PCDH18: variants seen among roughly 807,000 people sequenced by gnomAD.
The protein encoded by PCDH18 is protocadherin 18, also known as protocadherin-18.
PCDH18 carries 38 observed loss-of-function variants against 71.5 expected under a neutral mutation model. That is an observed-to-expected ratio of 0.53 (90% confidence interval 0.41 to 0.70). The LOEUF is 0.70. PCDH18 is among the 30% of genes least tolerant of loss of function. PCDH18 has a pLI of 0.00. For missense variants in PCDH18, 1,334 were observed against 1,384.6 expected (o/e 0.96, Z 0.58); for synonymous variants, 565 against 505.4 (o/e 1.12, Z -1.58).
chr4:137,525,204 T>C (rs1030861371), intron 3 of PCDH18, among the ~76,000 whole-genome samples: 1 of 152,092 alleles, frequency 6.6e-6, no homozygotes, highest in African/African-American at 2.4e-5. Flanking sequence ...TTGGCAAACA[T>C]GAGCCAACAG....
In PCDH18 at chr4:137,531,077, A is replaced by T; in HGVS notation, c.1012T>A (p.Cys338Ser). Residue 338 changes from cysteine (C) to serine (S), a missense_variant, in exon 1 of 4, where the codon TGC becomes AGC. Cys to Ser is a moderately radical substitution (Grantham distance 112). Coordinates refer to ENST00000344876, the MANE Select transcript of PCDH18 (RefSeq NM_019035.5). ...DLGPNSIPAH[C>S]KIIIKVVDVN... The stretch of plus-strand genomic sequence containing the variant: ...TCCACAACCTTAATTATAATTTTGC[A>T]ATGGGCTGGGATTGAATTTGGACCC... 1 of 1,612,472 alleles carries T rather than the reference A, an allele frequency of 6.2e-7. No homozygotes were observed. Among genetic ancestry groups the T allele is most frequent in the Non-Finnish European group, 8.5e-7 (1 of 1,179,134 alleles).
Position 137,529,892 on chromosome 4 carries a change from A to T in PCDH18, c.2197T>A (p.Ser733Thr), listed in dbSNP as rs1210980252. 1.2e-6 allele frequency: 2 copies of T among 1,613,948 alleles called. No homozygotes were observed. The highest frequency in any genetic ancestry group is 2.2e-5 in the East Asian group (1 of 44,868). The change falls in exon 1 of 4, where the codon TCC becomes ACC. Residue 733 changes from serine to threonine, a missense_variant. Physicochemically the swap from Ser to Thr is moderately conservative, Grantham distance 58. Around this residue, in one of 3 missense-constraint regions of PCDH18, gnomAD observed 1,011 missense variants for 1,048.0 expected, o/e 0.96. Transcript: ENST00000344876. ...RCNREKKDTR[S>T]YNCRVAESTY... ...GATTCGGCCACCCTGCAGTTATAGG[A>T]TCTAGTGTCTTTCTTCTCGCGGTTA...
In PCDH18 at chr4:137,520,889, G is replaced by A. The variant is rs1731268261; in HGVS notation, c.*140C>T. On this transcript the variant is annotated 3_prime_UTR_variant, in exon 4 of 4. Transcript: ENST00000344876. ...TGCATTGTGTACATACGAAAATACA[G>A]TATTTAATATTCAATATACACAGAC... The A allele has an allele frequency of 1.7e-6, 1 of 591,976 alleles. No individual in the cohort carries two copies. The highest frequency in any genetic ancestry group is 1.9e-5 in the African/African-American group (1 of 53,970). The allele number at this position is 591,976 out of a possible 1,614,324, so 36.7% of individuals were successfully genotyped here.
At chr4:137,526,761 A>C (rs889305574) in intron 3 of PCDH18, among the ~76,000 whole-genome samples, 4 of 151,988 alleles carry the variant, frequency 2.6e-5, no homozygotes, top group African/African-American at 9.7e-5. Context: ...GGTATGTCAT[A>C]AGTCTTTAGA....
At position 137,530,138 on chromosome 4, in the gene PCDH18, C is replaced by T. The variant is rs141226164; in HGVS notation, c.1951G>A (p.Glu651Lys). 286 of 1,612,688 alleles carry T rather than the reference C, an allele frequency of 1.8e-4. No homozygotes were observed. Among genetic ancestry groups the T allele is most frequent in the Admixed American group, 2.8e-4 (17 of 59,964 alleles). The change falls in exon 1 of 4, where the codon GAA becomes AAA. Residue 651 changes from glutamate to lysine, a missense_variant. By Grantham distance (56) the Glu-to-Lys change is moderately conservative. Around this residue, in one of 3 missense-constraint regions of PCDH18, gnomAD observed 1,011 missense variants for 1,048.0 expected, o/e 0.96. Coordinates refer to ENST00000344876, the MANE Select transcript of PCDH18 (RefSeq NM_019035.5). ...NVSMDSVPYTEWELSVIIQDK... is the reference protein window; with the variant it reads ...NVSMDSVPYTKWELSVIIQDK... ...TGAATGATAACTGACAGCTCCCATT[C>T]TGTGTAGGGAACAGAATCCATGCTA...
At position 137,521,631 on chromosome 4, in the gene PCDH18, G is replaced by T; in HGVS notation, c.2806C>A (p.Leu936Met). 1 of 1,613,076 alleles carries T rather than the reference G, an allele frequency of 6.2e-7. No homozygotes were observed. The change falls in exon 4 of 4, where the codon CTG becomes ATG. Residue 936 changes from leucine to methionine, a missense_variant. By Grantham distance (15) the Leu-to-Met change is conservative (BLOSUM62 2). Transcript: ENST00000344876. ...CTATAATCAGAAGACGGTGAGGGCAGTGGTGGCATCCAGCACTGGTCAGAG... is the reference window on the plus strand; with the variant it reads ...CTATAATCAGAAGACGGTGAGGGCATTGGTGGCATCCAGCACTGGTCAGAG... Reference protein sequence around the residue: ...GHSDQCWMPPLPSPSSDYRSN... With the variant: ...GHSDQCWMPPMPSPSSDYRSN...
chr4:137,528,998 C>T (rs1026872488), intron 1 of PCDH18, 178 bp from the exon 2 acceptor site: 4 of 596,578 alleles, frequency 6.7e-6, no homozygotes, highest in African/African-American at 3.7e-5. Context: ...CCAACTATAA[C>T]TAAAATATAT....
rs1731555391 is a variant in PCDH18, at chr4:137,528,792, T to C, written c.2516A>G (p.His839Arg). 1 of 1,613,422 alleles carries C rather than the reference T, an allele frequency of 6.2e-7. No individual in the cohort carries two copies. Among genetic ancestry groups the C allele is most frequent in the Non-Finnish European group, 8.5e-7 (1 of 1,179,660 alleles). Residue 839 changes from histidine (H) to arginine (R), a missense_variant, in exon 2 of 4, where the codon CAC (histidine) becomes CGC (arginine). Physicochemically the swap from His to Arg is conservative, Grantham distance 29. This residue lies in a region of PCDH18 where 1,011 missense variants were observed against 1,048.0 expected (regional missense o/e 0.96). Transcript: ENST00000344876. ...EQVSQLLSML[H>R]QGQYQPRPSF... ...TGGTCTTGGCTGATATTGCCCCTGG[T>C]GAAGCATTGAAAGAAGCTGAGAGAC...
Position 137,531,349 on chromosome 4 carries a change from T to A in PCDH18, c.740A>T (p.Glu247Val), listed in dbSNP as rs1731685531. Residue 247 changes from glutamate to valine, a missense_variant, in exon 1 of 4, where the codon GAG (glutamate) becomes GTG (valine). Glu to Val is a moderately radical substitution (Grantham distance 121, BLOSUM62 -2). This residue lies in a region of PCDH18 where 1,011 missense variants were observed against 1,048.0 expected (regional missense o/e 0.96). Transcript: ENST00000344876. The part of the protein sequence containing the change: ...SDSNDNSPAF[E>V]QQSYIIQLLE... ...GAGTTGTATTATATAAGATTGCTGC[T>A]CAAAAGCAGGGCTGTTGTCATTGGA... 3 of 1,613,952 alleles carry A rather than the reference T, an allele frequency of 1.9e-6. No homozygotes were observed. The highest frequency in any genetic ancestry group is 2.5e-6 in the Non-Finnish European group (3 of 1,180,002).
chr4:137,528,977 G>T, intron 1 of PCDH18, 157 bp from the exon 2 acceptor site: 1 of 617,710 alleles, frequency 1.6e-6, no homozygotes, highest in Non-Finnish European at 2.9e-6. Flanking sequence ...GGCGGACCAC[G>T]CAGCCAGCTA....
intron 1 of PCDH18, 71 bp downstream of exon 1, chr4:137,529,531 G>C (rs1176149340): frequency 4.8e-6 from 5 of 1,041,142 alleles, no homozygotes; most frequent in Non-Finnish European, 7.1e-6. Context: ...AAACATTTAA[G>C]AACTAGTAAA....
chr4:137,521,394 G>A lies in PCDH18; in HGVS notation c.3043C>T (p.Leu1015Phe), dbSNP rs1388106859. 1.2e-6 allele frequency: 2 copies of A among 1,614,090 alleles called. No homozygotes were observed. Among genetic ancestry groups the A allele is most frequent in the South Asian group, 1.1e-5 (1 of 91,088 alleles). The change falls in exon 4 of 4, where the codon CTC becomes TTC. Residue 1015 changes from leucine to phenylalanine, a missense_variant. This residue lies in a region of PCDH18 where 319 missense variants were observed against 316.3 expected (regional missense o/e 1.01). Transcript: ENST00000344876. ...LSEMSSVFQRLLPPSLDTYSE... is the reference protein window; with the variant it reads ...LSEMSSVFQRFLPPSLDTYSE... ...TAGGTGTCCAGGGAAGGCGGTAAGAGACGCTGGAACACACTGCTCATTTCC... is the reference window on the plus strand; with the variant it reads ...TAGGTGTCCAGGGAAGGCGGTAAGAAACGCTGGAACACACTGCTCATTTCC...
At chr4:137,528,368 T>G (rs1578745704) in intron 3 of PCDH18, 110 bp downstream of exon 3, 10 of 810,408 alleles carry the variant, frequency 1.2e-5, no homozygotes, top group Admixed American at 2.3e-5. Context: ...TTATAAATAC[T>G]TTAGTGCAAG....
Position 137,531,131 on chromosome 4 carries a change from A to G in PCDH18, c.958T>C (p.Tyr320His). The change falls in exon 1 of 4, where the codon TAT becomes CAT. Residue 320 changes from tyrosine to histidine, a missense_variant. Tyr to His is a moderately conservative substitution (Grantham distance 83, BLOSUM62 2). Transcript: ENST00000344876. The stretch of plus-strand genomic sequence containing the variant: ...TCTTGAGCCTGAACATCAATCTCAT[A>G]GGATTTGGTGATTTCATAATCCACT... ...KQVDYEITKS[Y>H]EIDVQAQDLG... 6.2e-7 allele frequency: 1 copy of G among 1,613,932 alleles called. No homozygotes were observed. Among genetic ancestry groups the G allele is most frequent in the Non-Finnish European group, 8.5e-7 (1 of 1,179,826 alleles).
At chr4:137,525,657 C>T (rs1167996663) in intron 3 of PCDH18, among the ~76,000 whole-genome samples, 3 of 152,038 alleles carry the variant, frequency 2.0e-5, no homozygotes, top group Admixed American at 6.6e-5. Context: ...ATATACTTTG[C>T]GGACCATTGG....
rs373416598 is a variant in PCDH18, at chr4:137,527,867, G to A, written c.2740+611C>T. ...AATAGCATCTCTTCTATCTAGCTGT[G>A]TACTTAAAAATTCCACTCTTGGGTC... is the stretch of plus-strand genomic sequence containing the variant. On this transcript the variant is annotated intron_variant, in intron 3 of 3. Coordinates refer to ENST00000344876, the MANE Select transcript of PCDH18 (RefSeq NM_019035.5). Among the ~76,000 whole-genome samples, 8 of 152,236 alleles carry A rather than the reference G, an allele frequency of 5.3e-5. No homozygotes were observed. In the East Asian group the frequency reaches 7.7e-4, roughly 15 times the overall value.
intron 3 of PCDH18, among the ~76,000 whole-genome samples, chr4:137,527,702 G>A (rs141352973): frequency 2.0e-5 from 3 of 152,274 alleles, no homozygotes; most frequent in Non-Finnish European, 1.5e-5. Flanking sequence ...AAGAACACAC[G>A]TATTCCTAAG....
At position 137,531,916 on chromosome 4, in the gene PCDH18, A is replaced by C. The variant is rs757247821; in HGVS notation, c.173T>G (p.Leu58Arg). Residue 58 changes from leucine to arginine, a missense_variant, in exon 1 of 4, where the codon CTT becomes CGT. By Grantham distance (102) the Leu-to-Arg change is moderately radical. Coordinates refer to ENST00000344876, the MANE Select transcript of PCDH18 (RefSeq NM_019035.5). The part of the protein sequence containing the change: ...SEDVADVLLK[L>R]PNPSTVRFRA... ...AAATCGAACAGTAGAAGGATTAGGA[A>C]GCTTCAATAAAACATCAGCCACATC... 1.9e-6 allele frequency: 3 copies of C among 1,614,114 alleles called. No individual in the cohort carries two copies. In the South Asian group the frequency reaches 3.3e-5, roughly 18 times the overall value.
At chr4:137,529,469 A>T (rs1731580441) in intron 1 of PCDH18, 133 bp downstream of exon 1, 1 of 597,718 alleles carries the variant, frequency 1.7e-6, no homozygotes, top group Non-Finnish European at 2.9e-6. Flanking sequence ...TTCACAATGT[A>T]ACTTGTATCC....
Sources: gnomAD v4.1 joint callset for allele counts (sites outside exome capture counted in the v4.1 genomes callset) on GRCh38, gnomAD v4.1.1 for gene constraint, gnomAD v4.1.1 regional missense constraint, MANE v1.5 for transcripts, NCBI Gene and HGNC (gene_info 2026-07-23, HGNC 2026-07-21) for gene names.